Variants in LEF1 observed in about 807,000 individuals in gnomAD.
LEF1 encodes the protein lymphoid enhancer binding factor 1.
A neutral mutation model predicts 51.2 loss-of-function variants in LEF1; 14 were observed. That is an observed-to-expected ratio of 0.27 (90% confidence interval 0.18 to 0.43). LEF1 has a LOEUF of 0.43. Ranked by LOEUF, LEF1 falls within the 20% of genes least tolerant of loss-of-function variation. The pLI, the probability that LEF1 is intolerant of heterozygous loss-of-function variation, is 1.00. For synonymous variants in LEF1, 185 were observed against 183.2 expected, an observed-to-expected ratio of 1.01 and a Z score of -0.08; for missense variants, 386 against 512.0, an observed-to-expected ratio of 0.75 and a Z score of 2.37.
At chr4:108,053,719 A>G (rs1737150885) in intron 11 of LEF1, among the ~76,000 whole-genome samples, 1 of 152,230 alleles carries the variant, frequency 6.6e-6, no homozygotes, top group South Asian at 2.1e-4. Flanking sequence ...TTGGTAGGCC[A>G]GACCTCCTGG....
Position 108,081,562 on chromosome 4 carries a change from G to T in LEF1, c.722+24C>A, listed in dbSNP as rs531749886. On this transcript the variant is annotated intron_variant, in intron 6 of 11. Transcript: ENST00000265165. Reference sequence around the variant, plus strand: ...CGAGAAGAGCAACTTGTCCTCGAGCGCCCCAGTTTCCACCTCCACCTACCT... The same window carrying T: ...CGAGAAGAGCAACTTGTCCTCGAGCTCCCCAGTTTCCACCTCCACCTACCT... The T allele has an allele frequency of 3.1e-6, 5 of 1,595,542 alleles. No individual in the cohort carries two copies. In the South Asian group the frequency reaches 4.4e-5, roughly 14 times the overall value.
At chr4:108,089,092 A>G (rs780916772) in intron 4 of LEF1, 33 bp downstream of exon 4, 1 of 1,613,266 alleles carries the variant, frequency 6.2e-7, no homozygotes, top group Non-Finnish European at 8.5e-7. Flanking sequence ...CATTTGGCAA[A>G]AAAAAAGGGC....
chr4:108,070,014 A>G (rs902184665), intron 9 of LEF1, among the ~76,000 whole-genome samples: 4 of 152,108 alleles, frequency 2.6e-5, no homozygotes, highest in Admixed American at 6.6e-5. Context: ...TACCTCCACA[A>G]TGAATCTATT....
intron 3 of LEF1, among the ~76,000 whole-genome samples, chr4:108,131,340 G>A (rs1742877054): frequency 6.6e-6 from 1 of 151,270 alleles, no homozygotes; most frequent in Non-Finnish European, 1.5e-5. Context: ...CTATCATGGT[G>A]GCACTGCACT....
In LEF1 at chr4:108,048,454, C is replaced by A; in HGVS notation, c.*304G>T. On this transcript the variant is annotated 3_prime_UTR_variant, in exon 12 of 12. Coordinates refer to ENST00000265165, the MANE Select transcript of LEF1 (RefSeq NM_016269.5). ...ATATGAGGGGAGAAAAGCTGCTCAGCTGCCCCACAGCCTGCTAGCATTCTC... is the reference window on the plus strand; with the variant it reads ...ATATGAGGGGAGAAAAGCTGCTCAGATGCCCCACAGCCTGCTAGCATTCTC... 1 of 357,064 alleles carries A rather than the reference C, an allele frequency of 2.8e-6. No homozygotes were observed. Among genetic ancestry groups the A allele is most frequent in the Non-Finnish European group, 5.0e-6 (1 of 198,390 alleles). 22.1% of individuals were successfully genotyped at this position (357,064 alleles called of 1,614,324 possible).
chr4:108,147,845 T>A (rs1031077845), intron 3 of LEF1, among the ~76,000 whole-genome samples: 2 of 152,230 alleles, frequency 1.3e-5, no homozygotes, highest in African/African-American at 4.8e-5. Flanking sequence ...TAAAGCAATT[T>A]TCCCACCTGT....
chr4:108,057,167 A>G (rs1737360426), intron 11 of LEF1, among the ~76,000 whole-genome samples: 1 of 152,028 alleles, frequency 6.6e-6, no homozygotes, highest in African/African-American at 2.4e-5. Flanking sequence ...TGCTTTCTAA[A>G]TATGTTACAA....
chr4:108,114,191 G>A (rs1741701093), intron 3 of LEF1, among the ~76,000 whole-genome samples: 1 of 152,106 alleles, frequency 6.6e-6, no homozygotes, highest in South Asian at 2.1e-4. Context: ...AAACATAAAG[G>A]AAAAGTGTCC....
chr4:108,145,626 G>A (rs1037126242), intron 3 of LEF1, among the ~76,000 whole-genome samples: 2 of 152,150 alleles, frequency 1.3e-5, no homozygotes, highest in Non-Finnish European at 2.9e-5. Context: ...GAAGCAAGAT[G>A]GAGCCATGGA....
At chr4:108,103,071 A>T (rs554099216) in intron 3 of LEF1, among the ~76,000 whole-genome samples, 18 of 152,354 alleles carry the variant, frequency 1.2e-4, no homozygotes, top group African/African-American at 4.3e-4. Context: ...CTCTAAGAGC[A>T]CGCAGCTCCC....
intron 11 of LEF1, among the ~76,000 whole-genome samples, chr4:108,062,150 T>G (rs1034738945): frequency 2.0e-5 from 3 of 152,194 alleles, no homozygotes; most frequent in Admixed American, 6.5e-5. Context: ...TGAAGTAGAT[T>G]GCTCAGGGAA....
At chr4:108,069,587 AG>A in intron 9 of LEF1, among the ~76,000 whole-genome samples, 1 of 152,360 alleles carries the variant, frequency 6.6e-6, no homozygotes, top group Middle Eastern at 3.4e-3. Flanking sequence ...GTGGCAAAAC[AG>A]TCACCTGAAT....
intron 3 of LEF1, among the ~76,000 whole-genome samples, chr4:108,140,885 ATCTG>A (rs998742641): frequency 3.3e-5 from 5 of 152,228 alleles, no homozygotes; most frequent in Non-Finnish European, 7.3e-5. Flanking sequence ...CAAAAATTAA[ATCTG>A]AAAACAAGGG....
At chr4:108,129,656 C>T (rs567407328) in intron 3 of LEF1, among the ~76,000 whole-genome samples, 21 of 152,218 alleles carry the variant, frequency 1.4e-4, no homozygotes, top group African/African-American at 3.9e-4. Flanking sequence ...TCATAAACAA[C>T]GAAACTAAGG....
chr4:108,099,580 A>ATGTG lies in LEF1; in HGVS notation c.415-10324_415-10323insCACA, dbSNP rs1560789226. Among the ~76,000 whole-genome samples, 37 of 37,030 alleles carry ATGTG rather than the reference A, an allele frequency of 1.0e-3. 3 individuals are homozygous for ATGTG. Among genetic ancestry groups the ATGTG allele is most frequent in the Admixed American group, 2.6e-3 (12 of 4,658 alleles). The allele number at this position is 37,030 out of a possible 152,430, so 24.3% of individuals were successfully genotyped here. A position where few individuals can be genotyped will look rare whatever the true frequency, so the allele number is the denominator to read the frequency against. ...TATGTGTGTGTGTGTGTATATATAT[A>ATGTG]TATATATATATATATATATATATAT... On this transcript the variant is annotated intron_variant, in intron 3 of 11. Transcript: ENST00000265165.
At chr4:108,137,599 G>A (rs147671880) in intron 3 of LEF1, among the ~76,000 whole-genome samples, 18 of 152,170 alleles carry the variant, frequency 1.2e-4, no homozygotes, top group African/African-American at 3.4e-4. Context: ...AGGAAGGAAC[G>A]GTATTGGTTA....
intron 3 of LEF1, among the ~76,000 whole-genome samples, chr4:108,101,010 G>C (rs1445180915): frequency 1.3e-5 from 2 of 152,136 alleles, no homozygotes; most frequent in African/African-American, 4.8e-5. Flanking sequence ...GGATGTGTAG[G>C]CATTTGTCCC....
At chr4:108,100,642 G>A (rs921073133) in intron 3 of LEF1, among the ~76,000 whole-genome samples, 1 of 152,002 alleles carries the variant, frequency 6.6e-6, no homozygotes, top group Non-Finnish European at 1.5e-5. Flanking sequence ...TCCAGGAGCC[G>A]GCTTGTTCTA....
intron 3 of LEF1, among the ~76,000 whole-genome samples, chr4:108,118,090 G>A (rs568904963): frequency 6.6e-6 from 1 of 152,300 alleles, no homozygotes; most frequent in Admixed American, 6.5e-5. Flanking sequence ...TAGACTAAAT[G>A]AGTTGCATAA....
Sources: gnomAD v4.1 joint callset for allele counts (sites outside exome capture counted in the v4.1 genomes callset) on GRCh38, gnomAD v4.1.1 for gene constraint, MANE v1.5 for transcripts, NCBI Gene and HGNC (gene_info 2026-07-23, HGNC 2026-07-21) for gene names.